CSE1L: variants seen among roughly 807,000 people sequenced by gnomAD.
The protein encoded by CSE1L is chromosome segregation 1 like.
A neutral mutation model predicts 120.4 loss-of-function variants in CSE1L; 24 were observed. That is an observed-to-expected ratio of 0.20 (90% confidence interval 0.14 to 0.28). CSE1L has a LOEUF of 0.28. Ranked by LOEUF, CSE1L falls within the 10% of genes least tolerant of loss-of-function variation. CSE1L has a pLI of 1.00. For missense variants in CSE1L, 830 were observed against 1,145.2 expected, an observed-to-expected ratio of 0.72 and a Z score of 3.97; for synonymous variants, 402 against 398.3, an observed-to-expected ratio of 1.01 and a Z score of -0.11.
At chr20:49,065,740 C>A (rs1370362734) in intron 3 of CSE1L, among the ~76,000 whole-genome samples, 1 of 150,662 alleles carries the variant, frequency 6.6e-6, no homozygotes, top group Admixed American at 6.6e-5. Flanking sequence ...ATTATAGGTG[C>A]CTGCCACCAT....
intron 2 of CSE1L, among the ~76,000 whole-genome samples, chr20:49,061,462 G>A (rs561869244): frequency 6.2e-4 from 92 of 148,308 alleles, no homozygotes; most frequent in African/African-American, 2.0e-3. Context: ...ATGAGCCACC[G>A]TGCCCGGTGG....
At chr20:49,096,115 A>G in intron 24 of CSE1L, 1 of 673,020 alleles carries the variant, frequency 1.5e-6, no homozygotes, top group South Asian at 1.6e-5. Context: ...GGACTTTTTA[A>G]TTAACCACAA....
At position 49,094,950 on chromosome 20, in the gene CSE1L, C is replaced by T. The variant is rs2092128161; in HGVS notation, c.2813C>T (p.Ala938Val). The T allele has an allele frequency of 6.2e-7, 1 of 1,613,884 alleles. No individual in the cohort carries two copies. The highest frequency in any genetic ancestry group is 1.3e-5 in the African/African-American group (1 of 75,036). The change falls in exon 24 of 25, where the codon GCC becomes GTC. Residue 938 changes from alanine to valine, a missense_variant. Physicochemically the swap from Ala to Val is moderately conservative, Grantham distance 64 (BLOSUM62 0). This residue lies in a region of CSE1L where 112 missense variants were observed against 200.0 expected (regional missense o/e 0.56). Transcript: ENST00000262982. ...CAGTCACTTCACAAGTTGTCTACCG[C>T]CTGTCCAGGAAGGGTAAGTGTGTTG... is the stretch of plus-strand genomic sequence containing the variant. ...LAQSLHKLSTACPGRVPSMVS... is the reference protein window; with the variant it reads ...LAQSLHKLSTVCPGRVPSMVS...
intron 1 of CSE1L, 91 bp from the exon 2 acceptor site, chr20:49,058,358 CAGAG>C: frequency 1.2e-6 from 1 of 820,542 alleles, no homozygotes; most frequent in Non-Finnish European, 1.9e-6. Context: ...GGATGACTTT[CAGAG>C]AGAATAACCC....
chr20:49,093,774 G>A (rs895700596), intron 22 of CSE1L, among the ~76,000 whole-genome samples: 6 of 151,680 alleles, frequency 4.0e-5, no homozygotes, highest in East Asian at 1.9e-4. Flanking sequence ...AAAATTTGCC[G>A]GGCGTGGTGG....
chr20:49,094,319 A>G, intron 23 of CSE1L, 33 bp downstream of exon 23: 1 of 1,596,466 alleles, frequency 6.3e-7, no homozygotes, highest in African/African-American at 1.3e-5. Context: ...TTTGTAAGTT[A>G]CAGCTTCCTT....
At chr20:49,061,906 G>A (rs1277899802) in intron 2 of CSE1L, among the ~76,000 whole-genome samples, 3 of 152,088 alleles carry the variant, frequency 2.0e-5, no homozygotes, top group Non-Finnish European at 1.5e-5. Flanking sequence ...TAGGAACATA[G>A]CATTTCTCAG....
chr20:49,077,153 CT>C (rs11439721), intron 13 of CSE1L, 89 bp downstream of exon 13: 27,779 of 398,530 alleles, frequency 0.07, no homozygotes, highest in Middle Eastern at 0.099. Flanking sequence ...CCCTTTTGTT[CT>C]TTTTTTTTTT....
intron 10 of CSE1L, 63 bp from the exon 11 acceptor site, chr20:49,074,722 C>T: frequency 7.2e-7 from 1 of 1,397,546 alleles, no homozygotes; most frequent in South Asian, 1.3e-5. Flanking sequence ...CTTCTGCATT[C>T]TCAGCTGTAA....
chr20:49,070,748 G>A (rs1015483134), intron 8 of CSE1L, among the ~76,000 whole-genome samples: 15 of 152,104 alleles, frequency 9.9e-5, no homozygotes, highest in Non-Finnish European at 2.2e-4. Flanking sequence ...CCTTGGCAAT[G>A]TAAGGAGACC....
Position 49,047,564 on chromosome 20 carries a change from C to CTTTTT in CSE1L, c.-12+1165_-12+1169dup, listed in dbSNP as rs59986218. Among the ~76,000 whole-genome samples the CTTTTT allele has an allele frequency of 3.1e-3, 217 of 69,900 alleles. 10 individuals carry two copies. Among genetic ancestry groups the CTTTTT allele is most frequent in the Non-Finnish European group, 4.1e-3 (158 of 38,546 alleles). The allele number at this position is 69,900 out of a possible 152,430, so 45.9% of individuals were successfully genotyped here. Reference sequence around the variant, plus strand: ...TCTTTTTCTTTTTCTTTTCTCTTTTCTTTTTTTTTTTTTTTTTTTTTTTTT... The same window carrying CTTTTT: ...TCTTTTTCTTTTTCTTTTCTCTTTTCTTTTTTTTTTTTTTTTTTTTTTTTTTTTTT... On this transcript the variant is annotated intron_variant, in intron 1 of 24. Coordinates refer to ENST00000262982, the MANE Select transcript of CSE1L (RefSeq NM_001316.4).
intron 2 of CSE1L, among the ~76,000 whole-genome samples, chr20:49,058,984 A>G (rs1232406534): frequency 2.0e-5 from 3 of 152,082 alleles, no homozygotes; most frequent in African/African-American, 7.2e-5. Flanking sequence ...ACAAAAAATT[A>G]GCCGGGCGTG....
At chr20:49,078,134 A>G (rs2091983393) in intron 13 of CSE1L, among the ~76,000 whole-genome samples, 1 of 152,242 alleles carries the variant, frequency 6.6e-6, no homozygotes, top group Admixed American at 6.5e-5. Context: ...GAATATTGTA[A>G]TGAGCTCCCA....
chr20:49,090,387 G>A (rs576214449), intron 19 of CSE1L, among the ~76,000 whole-genome samples: 4 of 152,128 alleles, frequency 2.6e-5, no homozygotes, highest in South Asian at 2.1e-4. Flanking sequence ...GCGAAACCCC[G>A]TCTCTACTAA....
intron 16 of CSE1L, among the ~76,000 whole-genome samples, chr20:49,087,495 C>G (rs1409842159): frequency 6.6e-6 from 1 of 151,706 alleles, no homozygotes; most frequent in Non-Finnish European, 1.5e-5. Context: ...GTAGCTGGGA[C>G]TACAGACGTG....
chr20:49,083,914 G>A lies in CSE1L; in HGVS notation c.1483-112G>A, dbSNP rs190531251. On this transcript the variant is annotated intron_variant, in intron 14 of 24. Transcript: ENST00000262982. Reference sequence around the variant, plus strand: ...CAGCAGCATCTCCTATTATAACAGAGCTTAAAAATAGCAAATTGTTCTTTA... The same window carrying A: ...CAGCAGCATCTCCTATTATAACAGAACTTAAAAATAGCAAATTGTTCTTTA... 746 of 1,129,392 alleles carry A rather than the reference G, an allele frequency of 6.6e-4. 2 individuals are homozygous for A. Among genetic ancestry groups the A allele is most frequent in the Middle Eastern group, 4.9e-3 (16 of 3,294 alleles). 70.0% of individuals were successfully genotyped at this position (1,129,392 alleles called of 1,614,324 possible).
At chr20:49,078,496 T>G in intron 13 of CSE1L, 65 bp from the exon 14 acceptor site, 1 of 1,028,442 alleles carries the variant, frequency 9.7e-7, no homozygotes, top group East Asian at 2.6e-5. Flanking sequence ...TCTGATGATG[T>G]CACTAATTTG....
intron 14 of CSE1L, among the ~76,000 whole-genome samples, chr20:49,081,438 C>T (rs1302818528): frequency 6.6e-6 from 1 of 152,220 alleles, no homozygotes; most frequent in African/African-American, 2.4e-5. Flanking sequence ...CACGTGCCAC[C>T]ACACCCAGCC....
At chr20:49,094,492 C>T (rs2092125180) in intron 23 of CSE1L, among the ~76,000 whole-genome samples, 1 of 152,082 alleles carries the variant, frequency 6.6e-6, no homozygotes, top group Non-Finnish European at 1.5e-5. Context: ...ATTCATGGAC[C>T]CCTTTAAGAG....
Sources: allele counts gnomAD v4.1 joint callset (sites outside exome capture counted in the v4.1 genomes callset), GRCh38; gene constraint gnomAD v4.1.1; regional missense constraint gnomAD v4.1.1; transcripts MANE v1.5; gene names NCBI Gene and HGNC (gene_info 2026-07-23, HGNC 2026-07-21).